Variants in PGM5 observed in about 807,000 individuals in gnomAD.
The protein encoded by PGM5 is phosphoglucomutase-like protein 5.
PGM5 carries 23 observed loss-of-function variants against 59.2 expected under a neutral mutation model. The ratio of observed to expected loss-of-function variants is 0.39; its 90% CI spans 0.28 to 0.55. PGM5 has a LOEUF of 0.55. PGM5 is among the 20% of genes least tolerant of loss of function. PGM5 has a pLI of 0.66. For missense variants in PGM5, 574 were observed against 748.3 expected (o/e 0.77, Z 2.72); for synonymous variants, 214 against 286.0 (o/e 0.75, Z 2.54).
chr9:68,469,372 G>T (rs1402665369), intron 7 of PGM5, among the ~76,000 whole-genome samples: 1 of 151,974 alleles, frequency 6.6e-6, no homozygotes, highest in Admixed American at 6.5e-5. Context: ...AAAAAAAAAT[G>T]AGCACTTAGT....
intron 6 of PGM5, among the ~76,000 whole-genome samples, chr9:68,452,751 G>C (rs1823717472): frequency 6.6e-6 from 1 of 152,202 alleles, no homozygotes; most frequent in Non-Finnish European, 1.5e-5. Flanking sequence ...GCTAGTCCCA[G>C]AGTGGATGCT....
At chr9:68,442,611 C>A (rs1017819242) in intron 6 of PGM5, among the ~76,000 whole-genome samples, 3 of 152,128 alleles carry the variant, frequency 2.0e-5, no homozygotes, top group African/African-American at 7.2e-5. Context: ...ATAGAGAGTC[C>A]AGAAATACAC....
intron 9 of PGM5, among the ~76,000 whole-genome samples, chr9:68,494,677 G>A (rs1293408742): frequency 1.3e-5 from 2 of 152,082 alleles, no homozygotes; most frequent in Non-Finnish European, 2.9e-5. Context: ...TCATACATCT[G>A]GGGACAAGAA....
chr9:68,390,664 G>T (rs557489696), intron 4 of PGM5, among the ~76,000 whole-genome samples: 8 of 151,958 alleles, frequency 5.3e-5, no homozygotes. Flanking sequence ...CTGTTCCACA[G>T]ATGTGCCTTA....
chr9:68,400,901 C>T (rs1407504595), intron 6 of PGM5, among the ~76,000 whole-genome samples: 1 of 152,178 alleles, frequency 6.6e-6, no homozygotes, highest in African/African-American at 2.4e-5. Flanking sequence ...GTTGTTTATT[C>T]CTTGCCCTGG....
intron 6 of PGM5, among the ~76,000 whole-genome samples, chr9:68,452,260 T>A (rs1823708015): frequency 6.6e-6 from 1 of 152,186 alleles, no homozygotes; most frequent in Non-Finnish European, 1.5e-5. Flanking sequence ...CAGGCTTGCT[T>A]GTTTTCTGGC....
intron 6 of PGM5, among the ~76,000 whole-genome samples, chr9:68,447,236 C>T (rs985465517): frequency 6.6e-6 from 1 of 152,218 alleles, no homozygotes; most frequent in Non-Finnish European, 1.5e-5. Context: ...AATCCCATCT[C>T]ACCACTGGCC....
chr9:68,479,076 A>G (rs1051419194), intron 7 of PGM5, among the ~76,000 whole-genome samples: 53 of 152,346 alleles, frequency 3.5e-4, no homozygotes, highest in African/African-American at 1.1e-3. Context: ...TATCTTGTTC[A>G]CTGCTTTACC....
chr9:68,456,230 T>C (rs1286282812), intron 6 of PGM5, among the ~76,000 whole-genome samples: 1 of 152,006 alleles, frequency 6.6e-6, no homozygotes, highest in Non-Finnish European at 1.5e-5. Context: ...CTTGCTGTCT[T>C]TTTTTTTCTT....
At position 68,428,291 on chromosome 9, in the gene PGM5, T is replaced by C. The variant is rs531396636; in HGVS notation, c.1043+35818T>C. Among the ~76,000 whole-genome samples, 47 of 152,286 alleles carry C rather than the reference T, an allele frequency of 3.1e-4. 1 individual carries two copies. The highest frequency in any genetic ancestry group is 2.9e-3 in the Admixed American group (44 of 15,288). ...ATAGAAACATTAATGATTTGCGAGT[T>C]TCAAATGTCCCCAGGGAGACGGCTC... is the stretch of plus-strand genomic sequence containing the variant. On this transcript the variant is annotated intron_variant, in intron 6 of 10. Coordinates refer to ENST00000396396, the MANE Select transcript of PGM5 (RefSeq NM_021965.4).
intron 6 of PGM5, among the ~76,000 whole-genome samples, chr9:68,418,002 C>T (rs1554682109): frequency 1.3e-5 from 2 of 152,318 alleles, no homozygotes; most frequent in South Asian, 2.1e-4. Context: ...CAGGGAGCAG[C>T]GAACTTAATT....
rs2132079140 is a variant in PGM5 at position 68,465,159 on chromosome 9, G to T, written c.1110G>T (p.Leu370=). The T allele has an allele frequency of 6.2e-7, 1 of 1,613,546 alleles. No individual in the cohort carries two copies. The highest frequency in any genetic ancestry group is 1.7e-4 in the Middle Eastern group (1 of 6,056). The change falls in exon 7 of 11, where the codon CTG becomes CTT. Residue 370 remains leucine, a synonymous_variant. Coordinates refer to ENST00000396396, the MANE Select transcript of PGM5 (RefSeq NM_021965.4). The stretch of plus-strand genomic sequence containing the variant: ...CTGGATGGAGATTCTTCTCAAATCT[G>T]ATGGACTCAGGACGTTGCAATCTGT... The part of the protein sequence containing the change: ...TPAGWRFFSN[L]MDSGRCNLCG...
chr9:68,368,842 G>C (rs1157218605), intron 1 of PGM5, among the ~76,000 whole-genome samples: 9 of 152,142 alleles, frequency 5.9e-5, no homozygotes, highest in Non-Finnish European at 1.3e-4. Flanking sequence ...ATGAGGTCTT[G>C]CTGTATTGCC....
At chr9:68,444,861 G>T (rs1254517167) in intron 6 of PGM5, among the ~76,000 whole-genome samples, 1 of 152,166 alleles carries the variant, frequency 6.6e-6, no homozygotes, top group Admixed American at 6.5e-5. Context: ...GAGTGGAAAA[G>T]GTGGTGGGTA....
At chr9:68,461,357 T>A (rs1319064336) in intron 6 of PGM5, among the ~76,000 whole-genome samples, 2 of 152,200 alleles carry the variant, frequency 1.3e-5, no homozygotes, top group Non-Finnish European at 2.9e-5. Flanking sequence ...CCACAGCTAA[T>A]TTCAAGGGAG....
At chr9:68,433,324 A>G (rs1823385396) in intron 6 of PGM5, among the ~76,000 whole-genome samples, 2 of 152,362 alleles carry the variant, frequency 1.3e-5, no homozygotes, top group Non-Finnish European at 1.5e-5. Flanking sequence ...CCAATGTCCC[A>G]TGAGCCTTTA....
intron 6 of PGM5, among the ~76,000 whole-genome samples, chr9:68,446,672 C>A (rs1823616652): frequency 6.6e-6 from 1 of 152,184 alleles, no homozygotes; most frequent in African/African-American, 2.4e-5. Context: ...TTATTTTTCA[C>A]TTTCTCTAAT....
chr9:68,465,223 G>T lies in PGM5; in HGVS notation c.1159+15G>T. ...CTTTGGCACTGGTAGGCTTTGTTGG[G>T]TTGATATTACTGGGGAGGGCGGCTG... On this transcript the variant is annotated intron_variant, in intron 7 of 10. Coordinates refer to ENST00000396396, the MANE Select transcript of PGM5 (RefSeq NM_021965.4). 1.3e-6 allele frequency: 2 copies of T among 1,528,442 alleles called. No homozygotes were observed. Among genetic ancestry groups the T allele is most frequent in the Non-Finnish European group, 1.8e-6 (2 of 1,103,270 alleles). The allele number at this position is 1,528,442 out of a possible 1,614,324, so 94.7% of individuals were successfully genotyped here. A position where few individuals can be genotyped will look rare whatever the true frequency, so the allele number is the denominator to read the frequency against.
At chr9:68,477,136 A>G (rs1554686730) in intron 7 of PGM5, among the ~76,000 whole-genome samples, 1 of 152,194 alleles carries the variant, frequency 6.6e-6, no homozygotes, top group Non-Finnish European at 1.5e-5. Context: ...TTCACTGGAT[A>G]AGACTAAAGA....
Sources: allele counts gnomAD v4.1 joint callset (sites outside exome capture counted in the v4.1 genomes callset), GRCh38; gene constraint gnomAD v4.1.1; transcripts MANE v1.5; gene names NCBI Gene and HGNC (gene_info 2026-07-23, HGNC 2026-07-21).